TMEM260: variants seen among roughly 807,000 people sequenced by gnomAD.
The protein encoded by TMEM260 is protein O-mannosyl-transferase TMEM260.
A neutral mutation model predicts 88.9 loss-of-function variants in TMEM260; 82 were observed. The ratio of observed to expected loss-of-function variants is 0.92; its 90% CI spans 0.77 to 1.11. The LOEUF (loss-of-function observed/expected upper bound fraction) is 1.11, where lower values mean the gene tolerates loss of function less well. Ranked by LOEUF, TMEM260 falls within the 50% of genes least tolerant of loss-of-function variation. TMEM260 has a pLI of 0.00. For missense variants in TMEM260, 902 were observed against 853.4 expected (o/e 1.06, Z -0.71); for synonymous variants, 314 against 309.3 (o/e 1.02, Z -0.16).
intron 3 of TMEM260, among the ~76,000 whole-genome samples, chr14:56,588,652 C>T (rs1357054637): frequency 2.0e-5 from 3 of 151,872 alleles, no homozygotes; most frequent in Admixed American, 6.6e-5. Flanking sequence ...CATTGAAAGC[C>T]GTGTCACTGT....
At position 56,617,309 on chromosome 14, in the gene TMEM260, T is replaced by G; in HGVS notation, c.1056+12T>G. 7.8e-6 allele frequency: 12 copies of G among 1,534,930 alleles called. No homozygotes were observed. Among genetic ancestry groups the G allele is most frequent in the Non-Finnish European group, 1.1e-5 (12 of 1,121,828 alleles). On this transcript the variant is annotated intron_variant, in intron 9 of 15. Coordinates refer to ENST00000261556, the MANE Select transcript of TMEM260 (RefSeq NM_017799.4). ...TTTTCATGGGTGTGGTAAGTTTTAC[T>G]TAGATATATCCTTTGACCAGAAAGT...
chr14:56,636,234 C>T (rs1163789817), intron 14 of TMEM260, among the ~76,000 whole-genome samples: 1 of 152,088 alleles, frequency 6.6e-6, no homozygotes, highest in African/African-American at 2.4e-5. Flanking sequence ...ATAACAATAA[C>T]ATACATTTGG....
intron 3 of TMEM260, among the ~76,000 whole-genome samples, chr14:56,602,212 C>T (rs1886621125): frequency 2.0e-5 from 3 of 151,914 alleles, no homozygotes; most frequent in Admixed American, 2.0e-4. Context: ...ACAGAATGGG[C>T]TAAAAACCTA....
At position 56,609,242 on chromosome 14, in the gene TMEM260, T is replaced by C. The variant is rs1445832319; in HGVS notation, c.773T>C (p.Phe258Ser). 1 of 1,614,142 alleles carries C rather than the reference T, an allele frequency of 6.2e-7. No individual in the cohort carries two copies. Among genetic ancestry groups the C allele is most frequent in the East Asian group, 2.2e-5 (1 of 44,884 alleles). The change falls in exon 6 of 16, where the codon TTT becomes TCT. Residue 258 changes from phenylalanine (F) to serine (S), a missense_variant. Coordinates refer to ENST00000261556, the MANE Select transcript of TMEM260 (RefSeq NM_017799.4). ...GGAGACCAGACAACACTGCAAGGATTTTTGACACATTTTCTCAGGGAAGAA... is the reference window on the plus strand; with the variant it reads ...GGAGACCAGACAACACTGCAAGGATCTTTGACACATTTTCTCAGGGAAGAA... ...TWGDQTTLQG[F>S]LTHFLREEYG...
Position 56,649,019 on chromosome 14 carries a change from C to G in TMEM260, c.*1522C>G, listed in dbSNP as rs1475521923. The G allele has an allele frequency of 6.5e-6, 1 of 152,688 alleles. No individual in the cohort carries two copies. The highest frequency in any genetic ancestry group is 1.5e-5 in the Non-Finnish European group (1 of 68,090). 9.5% of individuals were successfully genotyped at this position (152,688 alleles called of 1,614,324 possible). On this transcript the variant is annotated 3_prime_UTR_variant, in exon 16 of 16. Transcript: ENST00000261556. ...TGGTTTTGGCATCACACAGGGGAAG[C>G]TCTTGCCCCTCCATTCTCTGGATTT...
rs1464153988 is a variant in TMEM260, at chr14:56,648,375, TTATTA to T, written c.*880_*884del. On this transcript the variant is annotated 3_prime_UTR_variant, in exon 16 of 16. Transcript: ENST00000261556. ...GAAATGCAAATAATAGTTCTTTATT[TTATTA>T]TGACAGTTAATTAATAGCAACCTGT... The T allele has an allele frequency of 2.6e-5, 4 of 152,650 alleles. No homozygotes were observed. Among genetic ancestry groups the T allele is most frequent in the African/African-American group, 7.2e-5 (3 of 41,462 alleles). The allele number at this position is 152,650 out of a possible 1,614,324, so 9.5% of individuals were successfully genotyped here.
intron 5 of TMEM260, among the ~76,000 whole-genome samples, chr14:56,608,094 A>T (rs1209143353): frequency 6.6e-6 from 1 of 152,208 alleles, no homozygotes; most frequent in African/African-American, 2.4e-5. Flanking sequence ...TATGCATCTC[A>T]TTACTGCTAT....
intron 3 of TMEM260, among the ~76,000 whole-genome samples, chr14:56,588,730 TAAG>T (rs1471660945): frequency 2.0e-5 from 3 of 151,886 alleles, no homozygotes; most frequent in African/African-American, 4.8e-5. Flanking sequence ...ATTGTCCCCT[TAAG>T]GAGTATTTTT....
chr14:56,582,855 C>G (rs1885227298), intron 1 of TMEM260, among the ~76,000 whole-genome samples: 1 of 152,046 alleles, frequency 6.6e-6, no homozygotes, highest in African/African-American at 2.4e-5. Flanking sequence ...CATTTAGAGA[C>G]GTTGAATGGG....
chr14:56,646,989 C>G (rs570545928), intron 15 of TMEM260, among the ~76,000 whole-genome samples: 1 of 152,250 alleles, frequency 6.6e-6, no homozygotes, highest in East Asian at 1.9e-4. Flanking sequence ...TGTCCTAACA[C>G]TGTGTCTTCG....
chr14:56,581,884 A>T (rs1180614962), intron 1 of TMEM260, among the ~76,000 whole-genome samples: 2 of 152,226 alleles, frequency 1.3e-5, no homozygotes, highest in African/African-American at 4.8e-5. Flanking sequence ...ATATGTAGTG[A>T]TGTTTAAAAT....
intron 11 of TMEM260, among the ~76,000 whole-genome samples, chr14:56,625,124 G>T (rs368176428): frequency 6.6e-6 from 1 of 152,154 alleles, no homozygotes; most frequent in Non-Finnish European, 1.5e-5. Context: ...AATGGGGGAA[G>T]GTCCTTCTGG....
chr14:56,659,302 TC>T, the TMEM260 span, among the ~76,000 whole-genome samples: 1 of 152,030 alleles, frequency 6.6e-6, no homozygotes, highest in Admixed American at 6.5e-5. Flanking sequence ...GCACTCCTTT[TC>T]CCCCTTTACT....
rs904008521 is a variant in TMEM260 at position 56,615,874 on chromosome 14, C to A, written c.858-70C>A. 5 of 1,083,754 alleles carry A rather than the reference C, an allele frequency of 4.6e-6. No individual in the cohort carries two copies. In the East Asian group the frequency reaches 1.2e-4, roughly 26 times the overall value. The allele number at this position is 1,083,754 out of a possible 1,614,324, so 67.1% of individuals were successfully genotyped here. The stretch of plus-strand genomic sequence containing the variant: ...TCAGTATATAATCAATGGTATCTTA[C>A]AAGGACTATTTTATTTGGAATCAAT... On this transcript the variant is annotated intron_variant, in intron 7 of 15. Coordinates refer to ENST00000261556, the MANE Select transcript of TMEM260 (RefSeq NM_017799.4).
intron 13 of TMEM260, among the ~76,000 whole-genome samples, chr14:56,633,645 G>T (rs1452219890): frequency 3.3e-5 from 5 of 151,962 alleles, no homozygotes; most frequent in Admixed American, 3.3e-4. Flanking sequence ...TTTGTTTTCA[G>T]TGTTTCTTGG....
intron 15 of TMEM260, among the ~76,000 whole-genome samples, chr14:56,643,779 A>T (rs188841733): frequency 2.6e-5 from 4 of 152,192 alleles, no homozygotes; most frequent in African/African-American, 9.7e-5. Context: ...TCAGCCCAAA[A>T]TCTCCTTAAG....
In TMEM260 at chr14:56,585,885, C is replaced by T; in HGVS notation, c.317C>T (p.Ala106Val). ...LLCGLFGAVAASLLFFTVFRL... is the reference protein window; with the variant it reads ...LLCGLFGAVAVSLLFFTVFRL... ...TGTGGCTTATTTGGAGCAGTAGCTG[C>T]ATCATTACTTTTTTTCACCGTTTTC... The change falls in exon 3 of 16, where the codon GCA (alanine) becomes GTA (valine). Residue 106 changes from alanine to valine, a missense_variant. Coordinates refer to ENST00000261556, the MANE Select transcript of TMEM260 (RefSeq NM_017799.4). 6.2e-7 allele frequency: 1 copy of T among 1,612,652 alleles called. No individual in the cohort carries two copies. The highest frequency in any genetic ancestry group is 8.5e-7 in the Non-Finnish European group (1 of 1,179,434).
intron 3 of TMEM260, among the ~76,000 whole-genome samples, chr14:56,589,974 A>G (rs1885749712): frequency 6.6e-6 from 1 of 152,170 alleles, no homozygotes; most frequent in South Asian, 2.1e-4. Context: ...TGCCATAGAG[A>G]ATAATGTGAA....
intron 3 of TMEM260, among the ~76,000 whole-genome samples, chr14:56,596,504 C>T (rs928500421): frequency 2.0e-5 from 3 of 149,706 alleles, no homozygotes; most frequent in Non-Finnish European, 4.4e-5. Context: ...TGGTGGCTCA[C>T]GCCTGTAATC....
Sources: gnomAD v4.1 joint callset for allele counts (sites outside exome capture counted in the v4.1 genomes callset) on GRCh38, gnomAD v4.1.1 for gene constraint, MANE v1.5 for transcripts, NCBI Gene and HGNC (gene_info 2026-07-23, HGNC 2026-07-21) for gene names.